Variants in LZTFL1 observed in about 807,000 individuals in gnomAD.
LZTFL1 encodes leucine zipper transcription factor-like protein 1.
LZTFL1 carries 25 observed loss-of-function variants against 45.9 expected under a neutral mutation model. The observed-to-expected ratio is 0.54, with a 90% CI of 0.40 to 0.76. The LOEUF is 0.76. Among genes scored for constraint, LZTFL1 ranks in the 30% least tolerant of loss-of-function variants. The probability of loss-of-function intolerance (pLI) is 0.00; values close to 1 mark genes in which losing one functional copy is unlikely to be tolerated. For missense variants in LZTFL1, 277 were observed against 331.1 expected (o/e 0.84, Z 1.27); for synonymous variants, 93 against 117.4 (o/e 0.79, Z 1.35).
chr3:45,826,161 G>T lies in LZTFL1; in HGVS notation c.*153C>A. 1 of 677,536 alleles carries T rather than the reference G, an allele frequency of 1.5e-6. No homozygotes were observed. The highest frequency in any genetic ancestry group is 2.5e-6 in the Non-Finnish European group (1 of 392,176). The allele number at this position is 677,536 out of a possible 1,614,324, so 42.0% of individuals were successfully genotyped here. On this transcript the variant is annotated 3_prime_UTR_variant, in exon 10 of 10. Transcript: ENST00000296135. ...ACTAGGTTTTCTCTGTTTTCAACTA[G>T]CTGAAAATAGGAACTCTAGTTCTAA...
intron 2 of LZTFL1, among the ~76,000 whole-genome samples, chr3:45,890,942 T>C (rs1376012038): frequency 1.3e-5 from 2 of 152,114 alleles, no homozygotes; most frequent in African/African-American, 4.8e-5. Context: ...AAATAAAAGT[T>C]CAAAGTGTAC....
intron 2 of LZTFL1, among the ~76,000 whole-genome samples, chr3:45,882,339 T>C (rs1191522339): frequency 2.0e-5 from 3 of 152,180 alleles, no homozygotes; most frequent in African/African-American, 7.2e-5. Flanking sequence ...ACTAACTGCC[T>C]CCAGACACTT....
chr3:45,856,574 C>CT (rs1701396757), intron 3 of LZTFL1, among the ~76,000 whole-genome samples: 1 of 152,024 alleles, frequency 6.6e-6, no homozygotes, highest in African/African-American at 2.4e-5. Context: ...AGAAAAGAAA[C>CT]TATCATCAGA....
chr3:45,870,177 G>T (rs1437347182), intron 2 of LZTFL1, among the ~76,000 whole-genome samples: 4 of 152,218 alleles, frequency 2.6e-5, no homozygotes, highest in Non-Finnish European at 5.9e-5. Flanking sequence ...TTACAAGGGT[G>T]CTCACGAGGG....
chr3:45,881,757 G>C (rs1052238229), intron 2 of LZTFL1, among the ~76,000 whole-genome samples: 1 of 152,128 alleles, frequency 6.6e-6, no homozygotes, highest in African/African-American at 2.4e-5. Context: ...ACTGGGGAAG[G>C]AAGAGCTCAG....
chr3:45,845,930 T>C (rs1036608159), upstream of LZTFL1, among the ~76,000 whole-genome samples: 2 of 152,246 alleles, frequency 1.3e-5, no homozygotes, highest in Non-Finnish European at 2.9e-5. Flanking sequence ...AATGTCATTT[T>C]TAGCCAGCTT....
intron 7 of LZTFL1, among the ~76,000 whole-genome samples, chr3:45,830,419 G>A (rs1262362487): frequency 3.3e-5 from 5 of 152,256 alleles, no homozygotes; most frequent in Middle Eastern, 3.4e-3. Context: ...TGGTGCCGGC[G>A]GGTACAGACG....
intron 2 of LZTFL1, among the ~76,000 whole-genome samples, chr3:45,879,889 A>G (rs189477723): frequency 5.3e-5 from 8 of 152,368 alleles, no homozygotes; most frequent in Admixed American, 5.2e-4. Flanking sequence ...ATTTAAAAAA[A>G]CCCATAAGCA....
At chr3:45,833,007 G>A (rs973360399) in intron 5 of LZTFL1, 43 bp downstream of exon 5, 2 of 1,433,618 alleles carry the variant, frequency 1.4e-6, no homozygotes, top group African/African-American at 2.8e-5. Context: ...GCAATGACAG[G>A]ACAGAATGAG....
intron 2 of LZTFL1, among the ~76,000 whole-genome samples, chr3:45,864,546 AT>A (rs994209152): frequency 6.6e-6 from 1 of 152,224 alleles, no homozygotes; most frequent in African/African-American, 2.4e-5. Flanking sequence ...ACATGAAAAC[AT>A]TTATGCCAAT....
intron 2 of LZTFL1, among the ~76,000 whole-genome samples, chr3:45,887,933 G>C (rs770223545): frequency 6.6e-6 from 1 of 152,218 alleles, no homozygotes; most frequent in African/African-American, 2.4e-5. Flanking sequence ...ATTGTACAAA[G>C]TTCAAAGTAA....
At chr3:45,913,536 G>A (rs1056860053) in intron 1 of LZTFL1, among the ~76,000 whole-genome samples, 3 of 152,222 alleles carry the variant, frequency 2.0e-5, no homozygotes, top group Admixed American at 2.0e-4. Flanking sequence ...TTTCCGAGTG[G>A]AGATAAACAT....
At position 45,824,628 on chromosome 3, in the gene LZTFL1, C is replaced by A. The variant is rs542798810; in HGVS notation, c.*1686G>T. The A allele has an allele frequency of 2.5e-6, 1 of 392,886 alleles. No individual in the cohort carries two copies. Among genetic ancestry groups the A allele is most frequent in the South Asian group, 1.4e-4 (1 of 6,982 alleles). 24.3% of individuals were successfully genotyped at this position (392,886 alleles called of 1,614,324 possible). A position where few individuals can be genotyped will look rare whatever the true frequency, so the allele number is the denominator to read the frequency against. On this transcript the variant is annotated 3_prime_UTR_variant, in exon 10 of 10. Coordinates refer to ENST00000296135, the MANE Select transcript of LZTFL1 (RefSeq NM_020347.4). ...GCAATATAGGTTTCTTATCAACATA[C>A]CTTTTTTCCTCACTGGTTTCAAACT...
intron 2 of LZTFL1, among the ~76,000 whole-genome samples, chr3:45,875,209 G>GTGAGCTCTA (rs11282718): frequency 0.94 from 142,562 of 151,846 alleles, 66,966 homozygotes; most frequent in East Asian, 1. Flanking sequence ...CCCTTTGAAT[G>GTGAGCTCTA]TGAGCTCTAT....
intron 2 of LZTFL1, chr3:45,897,466 G>A (rs1468002855): frequency 1.3e-6 from 1 of 767,088 alleles, no homozygotes; most frequent in East Asian, 2.7e-5. Flanking sequence ...TCAGTCTTGG[G>A]AGTGTTAGCT....
At chr3:45,868,103 C>T (rs1243102342) in intron 2 of LZTFL1, among the ~76,000 whole-genome samples, 3 of 148,362 alleles carry the variant, frequency 2.0e-5, no homozygotes, top group Non-Finnish European at 4.5e-5. Flanking sequence ...AGCACACCAG[C>T]ATGGCACATG....
chr3:45,889,148 C>T (rs1174525853), intron 2 of LZTFL1, among the ~76,000 whole-genome samples: 1 of 151,922 alleles, frequency 6.6e-6, no homozygotes, highest in Non-Finnish European at 1.5e-5. Flanking sequence ...CCATGCCTGG[C>T]ATATTTTTAA....
intron 2 of LZTFL1, among the ~76,000 whole-genome samples, chr3:45,883,454 A>T (rs1437720068): frequency 6.6e-6 from 1 of 152,270 alleles, no homozygotes; most frequent in East Asian, 1.9e-4. Flanking sequence ...TTTCTTGGAC[A>T]TAATTCTTCT....
rs1039221273 is a variant in LZTFL1 at position 45,835,626 on chromosome 3, A to C, written c.287T>G (p.Leu96Arg). The change falls in exon 3 of 10, where the codon CTT becomes CGT. Residue 96 changes from leucine (L) to arginine (R), a missense_variant. Coordinates refer to ENST00000296135, the MANE Select transcript of LZTFL1 (RefSeq NM_020347.4). The stretch of plus-strand genomic sequence containing the variant: ...TTCAGAGATGTCTGTCTGTAGCTTA[A>C]GATACCACTTCTCAGCTTGTGCAAA... ...QLFAQAEKWY[L>R]KLQTDISELE... 1 of 1,614,180 alleles carries C rather than the reference A, an allele frequency of 6.2e-7. No homozygotes were observed. Among genetic ancestry groups the C allele is most frequent in the Middle Eastern group, 1.6e-4 (1 of 6,062 alleles).
Sources: gnomAD v4.1 joint callset for allele counts (sites outside exome capture counted in the v4.1 genomes callset) on GRCh38, gnomAD v4.1.1 for gene constraint, MANE v1.5 for transcripts, NCBI Gene and HGNC (gene_info 2026-07-23, HGNC 2026-07-21) for gene names.